The following SPHKAP variants were observed in gnomAD, a reference collection of about 807,000 sequenced individuals.
SPHKAP encodes SPHK1 interactor, AKAP domain containing.
In SPHKAP, 67 loss-of-function variants were observed where a neutral mutation model predicts 137.5. The observed-to-expected ratio is 0.49, with a 90% CI of 0.40 to 0.60. The LOEUF (loss-of-function observed/expected upper bound fraction) is 0.60, where lower values mean the gene tolerates loss of function less well. Ranked by LOEUF, SPHKAP falls within the 20% of genes least tolerant of loss-of-function variation. The probability of loss-of-function intolerance (pLI) is 0.00; values close to 1 mark genes in which losing one functional copy is unlikely to be tolerated. For synonymous variants in SPHKAP, 813 were observed against 785.3 expected (o/e 1.04, Z -0.59); for missense variants, 2,097 against 2,069.3 (o/e 1.01, Z -0.26).
chr2:228,033,092 T>G (rs953244736), intron 3 of SPHKAP, among the ~76,000 whole-genome samples: 3 of 151,996 alleles, frequency 2.0e-5, no homozygotes, highest in African/African-American at 7.3e-5. Flanking sequence ...GCAAATTGGA[T>G]AAAGAGTCAA....
intron 5 of SPHKAP, among the ~76,000 whole-genome samples, chr2:228,023,150 C>A (rs1338439078): frequency 6.6e-6 from 1 of 152,080 alleles, no homozygotes; most frequent in Non-Finnish European, 1.5e-5. Context: ...TCATTGGAAT[C>A]GTAATAAAAG....
chr2:227,986,013 C>T (rs1693195921), intron 11 of SPHKAP, among the ~76,000 whole-genome samples: 1 of 152,144 alleles, frequency 6.6e-6, no homozygotes, highest in South Asian at 2.1e-4. Context: ...AACCCTGATG[C>T]CTGGGCAGCA....
intron 3 of SPHKAP, 144 bp downstream of exon 3, chr2:228,108,688 C>A (rs1054535372): frequency 3.5e-6 from 2 of 565,854 alleles, no homozygotes; most frequent in Non-Finnish European, 6.0e-6. Flanking sequence ...GTTAACTGTC[C>A]ATATAAACCC....
chr2:228,061,132 A>T (rs1312388964), intron 3 of SPHKAP, among the ~76,000 whole-genome samples: 1 of 152,246 alleles, frequency 6.6e-6, no homozygotes, highest in Non-Finnish European at 1.5e-5. Flanking sequence ...AGCATAGCAT[A>T]GGAATTGGGG....
intron 1 of SPHKAP, among the ~76,000 whole-genome samples, chr2:228,179,606 C>A (rs1246977377): frequency 6.6e-6 from 1 of 152,122 alleles, no homozygotes; most frequent in Non-Finnish European, 1.5e-5. Flanking sequence ...CCGGAAATTA[C>A]TACACTGATT....
intron 3 of SPHKAP, among the ~76,000 whole-genome samples, chr2:228,063,174 A>ATCTATCTATCTATCTATCTG (rs756046439): frequency 2.3e-4 from 34 of 147,280 alleles, no homozygotes; most frequent in East Asian, 7.9e-4. Context: ...CTATCTATCT[A>ATCTATCTATCTATCTATCTG]TCTGTCTGTC....
intron 11 of SPHKAP, among the ~76,000 whole-genome samples, chr2:227,983,399 T>C (rs1159636066): frequency 6.6e-6 from 1 of 152,244 alleles, no homozygotes; most frequent in Non-Finnish European, 1.5e-5. Flanking sequence ...TAACTTTTAA[T>C]ACCTGGAAAT....
intron 1 of SPHKAP, among the ~76,000 whole-genome samples, chr2:228,142,592 G>A (rs1380198310): frequency 4.6e-5 from 7 of 152,184 alleles, no homozygotes; most frequent in East Asian, 3.9e-4. Context: ...GCAAACTAAC[G>A]CAGGAAGAGA....
At chr2:228,147,747 G>C (rs1234814216) in intron 1 of SPHKAP, among the ~76,000 whole-genome samples, 1 of 152,130 alleles carries the variant, frequency 6.6e-6, no homozygotes, top group Non-Finnish European at 1.5e-5. Context: ...ATACTTTATA[G>C]AGCACCTATT....
intron 7 of SPHKAP, chr2:227,996,322 G>T (rs1335227570): frequency 6.2e-6 from 1 of 160,166 alleles, no homozygotes; most frequent in Non-Finnish European, 1.3e-5. Context: ...ATGAGCACTT[G>T]CATTTTTAGA....
chr2:228,004,373 T>C (rs1167561264), intron 7 of SPHKAP, among the ~76,000 whole-genome samples: 2 of 152,248 alleles, frequency 1.3e-5, no homozygotes, highest in Non-Finnish European at 2.9e-5. Context: ...TATTCTCTGA[T>C]GGTAGTTTGC....
At chr2:228,077,703 T>C (rs896585619) in intron 3 of SPHKAP, among the ~76,000 whole-genome samples, 1 of 152,210 alleles carries the variant, frequency 6.6e-6, no homozygotes, top group Non-Finnish European at 1.5e-5. Context: ...GATGAGACTT[T>C]GGACTGTGGA....
intron 3 of SPHKAP, among the ~76,000 whole-genome samples, chr2:228,099,986 A>G (rs1266877905): frequency 6.6e-6 from 1 of 151,994 alleles, no homozygotes; most frequent in Non-Finnish European, 1.5e-5. Context: ...AGTAGCTGGG[A>G]CTACAGGCGC....
chr2:227,994,045 C>G, intron 8 of SPHKAP: 1 of 985,278 alleles, frequency 1.0e-6, no homozygotes, highest in African/African-American at 1.7e-5. Context: ...CTGGCAGGAA[C>G]CAGTTTTGAC....
At chr2:228,090,097 A>G (rs199593741) in intron 3 of SPHKAP, among the ~76,000 whole-genome samples, 1 of 152,202 alleles carries the variant, frequency 6.6e-6, no homozygotes, top group East Asian at 1.9e-4. Flanking sequence ...TAACCTCAGC[A>G]TGGAAAAACT....
intron 1 of SPHKAP, among the ~76,000 whole-genome samples, chr2:228,174,245 T>C (rs1700671984): frequency 6.6e-6 from 1 of 152,184 alleles, no homozygotes; most frequent in African/African-American, 2.4e-5. Flanking sequence ...AATCAAAAGA[T>C]ATTCAGAAAG....
chr2:228,030,533 CAACAAAA>C (rs1239511875), intron 3 of SPHKAP, among the ~76,000 whole-genome samples: 394 of 45,622 alleles, frequency 8.6e-3, no homozygotes, highest in Admixed American at 0.015. Context: ...AAAAAAAAAA[CAACAAAA>C]AACAAAAAAA....
intron 1 of SPHKAP, among the ~76,000 whole-genome samples, chr2:228,155,829 AT>A (rs1425466993): frequency 6.6e-6 from 1 of 152,208 alleles, no homozygotes; most frequent in Non-Finnish European, 1.5e-5. Flanking sequence ...TAAATGTAAT[AT>A]TTGTTGCAAA....
intron 1 of SPHKAP, among the ~76,000 whole-genome samples, chr2:228,136,284 T>C (rs1216741574): frequency 6.6e-6 from 1 of 152,226 alleles, no homozygotes; most frequent in African/African-American, 2.4e-5. Flanking sequence ...CCTTTCAAAC[T>C]GGTTTCATGC....
Sources: allele counts gnomAD v4.1 joint callset (sites outside exome capture counted in the v4.1 genomes callset), GRCh38; gene constraint gnomAD v4.1.1; transcripts MANE v1.5; gene names NCBI Gene and HGNC (gene_info 2026-07-23, HGNC 2026-07-21).